The following FAM117B variants were observed in gnomAD, a reference collection of about 807,000 sequenced individuals.
FAM117B encodes protein FAM117B.
A neutral mutation model predicts 52.8 loss-of-function variants in FAM117B; 22 were observed. That is an observed-to-expected ratio of 0.42 (90% CI 0.30 to 0.59). FAM117B has a LOEUF of 0.59. Ranked by LOEUF, FAM117B falls within the 20% of genes least tolerant of loss-of-function variation. FAM117B has a pLI of 0.22. For synonymous variants in FAM117B, 309 were observed against 324.1 expected (o/e 0.95, Z 0.50); for missense variants, 678 against 802.6 (o/e 0.84, Z 1.88).
rs959181905 is a variant in FAM117B, at chr2:202,691,698, T to TGCGC, written c.602-4176_602-4173dup. On this transcript the variant is annotated intron_variant, in intron 1 of 7. Coordinates refer to ENST00000392238, the MANE Select transcript of FAM117B (RefSeq NM_173511.4). Reference sequence around the variant, plus strand: ...GTGTGTGTGTGTGTGTGTGTGTGTGTGCGCGCGCGCCTCCCCACCCTGCCA... The same window carrying TGCGC: ...GTGTGTGTGTGTGTGTGTGTGTGTGTGCGCGCGCGCGCGCCTCCCCACCCTGCCA... 3.9e-3 allele frequency among the ~76,000 whole-genome samples: 511 copies of TGCGC among 131,116 alleles called. 4 individuals are homozygous for TGCGC. Among genetic ancestry groups the TGCGC allele is most frequent in the East Asian group, 9.8e-3 (46 of 4,694 alleles). 86.0% of individuals were successfully genotyped at this position (131,116 alleles called of 152,430 possible). A position where few individuals can be genotyped will look rare whatever the true frequency, so the allele number is the denominator to read the frequency against.
chr2:202,682,463 T>G (rs1252836111), intron 1 of FAM117B, among the ~76,000 whole-genome samples: 1 of 152,128 alleles, frequency 6.6e-6, no homozygotes, highest in African/African-American at 2.4e-5. Flanking sequence ...GCGCTCCCCC[T>G]CCTGCGAGGG....
At position 202,726,379 on chromosome 2, in the gene FAM117B, C is replaced by T. The variant is rs1452553080; in HGVS notation, c.960+16C>T. 3.9e-6 allele frequency: 6 copies of T among 1,539,276 alleles called. No individual in the cohort carries two copies. The highest frequency in any genetic ancestry group is 1.9e-5 in the Admixed American group (1 of 52,968). ...CCAGTGTCAGGTAAGAGTACCAATA[C>T]CACAAAATCCAGAAAAGGAATTTGT... On this transcript the variant is annotated intron_variant, in intron 4 of 7. Transcript: ENST00000392238.
chr2:202,723,428 A>C (rs192233269), intron 2 of FAM117B, among the ~76,000 whole-genome samples: 5 of 152,122 alleles, frequency 3.3e-5, no homozygotes, highest in Admixed American at 1.3e-4. Flanking sequence ...ACTGGTACCA[A>C]TTTTCTTTGT....
intron 2 of FAM117B, among the ~76,000 whole-genome samples, chr2:202,696,734 C>T (rs781727440): frequency 9.2e-5 from 14 of 151,816 alleles, no homozygotes; most frequent in Non-Finnish European, 1.6e-4. Context: ...TTTTATACTT[C>T]TGGGTTTGTA....
At chr2:202,690,394 A>G (rs969375288) in intron 1 of FAM117B, among the ~76,000 whole-genome samples, 1 of 152,212 alleles carries the variant, frequency 6.6e-6, no homozygotes, top group Non-Finnish European at 1.5e-5. Context: ...TTGGCCATTT[A>G]TAACATATTG....
At chr2:202,711,364 T>C (rs1033747409) in intron 2 of FAM117B, among the ~76,000 whole-genome samples, 2 of 152,204 alleles carry the variant, frequency 1.3e-5, no homozygotes, top group Non-Finnish European at 2.9e-5. Flanking sequence ...TTTTGAGAAA[T>C]ATCTATTGAG....
intron 4 of FAM117B, among the ~76,000 whole-genome samples, chr2:202,742,661 G>T (rs979837492): frequency 9.2e-5 from 14 of 152,124 alleles, no homozygotes; most frequent in African/African-American, 3.4e-4. Context: ...ACAAAAGGTT[G>T]ATAAGTTTAA....
At chr2:202,674,280 G>A (rs1297721571) in intron 1 of FAM117B, among the ~76,000 whole-genome samples, 2 of 152,168 alleles carry the variant, frequency 1.3e-5, no homozygotes, top group Non-Finnish European at 2.9e-5. Context: ...TCTCCTGGTT[G>A]CCTAAGCCTG....
intron 1 of FAM117B, among the ~76,000 whole-genome samples, chr2:202,654,233 A>G (rs1257535170): frequency 2.0e-5 from 3 of 151,488 alleles, no homozygotes; most frequent in African/African-American, 7.3e-5. Flanking sequence ...ACTTACTGAG[A>G]TATAAAATAT....
intron 1 of FAM117B, among the ~76,000 whole-genome samples, chr2:202,680,047 C>G (rs1206467914): frequency 6.6e-6 from 1 of 151,958 alleles, no homozygotes; most frequent in African/African-American, 2.4e-5. Flanking sequence ...TGAAATTTAA[C>G]TGAAATGAAA....
intron 6 of FAM117B, among the ~76,000 whole-genome samples, chr2:202,758,096 A>C (rs190718569): frequency 2.0e-5 from 3 of 152,338 alleles, no homozygotes; most frequent in Admixed American, 1.3e-4. Flanking sequence ...GAAAGCAATA[A>C]TAATGACATT....
At chr2:202,659,194 C>T (rs184622467) in intron 1 of FAM117B, among the ~76,000 whole-genome samples, 7 of 151,936 alleles carry the variant, frequency 4.6e-5, no homozygotes, top group East Asian at 1.9e-4. Flanking sequence ...TAAGTAGAGA[C>T]GGGGTTTCAC....
chr2:202,666,325 T>A (rs993698900), intron 1 of FAM117B, among the ~76,000 whole-genome samples: 1 of 152,028 alleles, frequency 6.6e-6, no homozygotes, highest in South Asian at 2.1e-4. Context: ...AAAACTAATT[T>A]AAAAAATGTT....
chr2:202,686,680 G>A (rs890836482), intron 1 of FAM117B, among the ~76,000 whole-genome samples: 3 of 152,038 alleles, frequency 2.0e-5, no homozygotes, highest in African/African-American at 7.2e-5. Flanking sequence ...GGTGGCATAT[G>A]CCTGTAATCC....
chr2:202,695,732 A>G, intron 1 of FAM117B, 149 bp from the exon 2 acceptor site: 3 of 723,750 alleles, frequency 4.1e-6, no homozygotes, highest in Non-Finnish European at 6.5e-6. Context: ...CATTTCAGGC[A>G]TCTTTACTGG....
intron 1 of FAM117B, among the ~76,000 whole-genome samples, chr2:202,678,446 T>C (rs2105769095): frequency 6.6e-6 from 1 of 152,294 alleles, no homozygotes; most frequent in South Asian, 2.1e-4. Context: ...AATATGCAAA[T>C]GCAGGGTGCT....
rs1011185138 is a variant in FAM117B, at chr2:202,726,262, C to T, written c.859C>T (p.Arg287Cys). 1 of 1,611,638 alleles carries T rather than the reference C, an allele frequency of 6.2e-7. No homozygotes were observed. The highest frequency in any genetic ancestry group is 8.5e-7 in the Non-Finnish European group (1 of 1,179,240). The change falls in exon 4 of 8, where the codon CGC becomes TGC. Residue 287 changes from arginine (R) to cysteine (C), a missense_variant. Physicochemically the swap from Arg to Cys is radical, Grantham distance 180. This residue lies in a region of FAM117B where 583 missense variants were observed against 644.8 expected (regional missense o/e 0.90). Transcript: ENST00000392238. ...TDQLKEIAKL[R>C]QQLQRSKHSS... ...TTTGCTTTCTCAGATTGCAAAATTACGCCAGCAGTTGCAGAGAAGTAAACA... is the reference window on the plus strand; with the variant it reads ...TTTGCTTTCTCAGATTGCAAAATTATGCCAGCAGTTGCAGAGAAGTAAACA...
At chr2:202,740,173 C>CAAAAAA (rs1358404767) in intron 4 of FAM117B, among the ~76,000 whole-genome samples, 9,045 of 69,238 alleles carry the variant, frequency 0.13, 3,054 homozygotes, top group Middle Eastern at 0.16. Flanking sequence ...ACTTCATCCC[C>CAAAAAA]CAAAAAAAAA....
At chr2:202,725,222 T>C (rs566813292) in intron 3 of FAM117B, 1 of 353,692 alleles carries the variant, frequency 2.8e-6, no homozygotes, top group Non-Finnish European at 5.2e-6. Flanking sequence ...TATGTTTGTC[T>C]TTTTTTAGGA....
Sources: allele counts gnomAD v4.1 joint callset (sites outside exome capture counted in the v4.1 genomes callset), GRCh38; gene constraint gnomAD v4.1.1; regional missense constraint gnomAD v4.1.1; transcripts MANE v1.5; gene names NCBI Gene and HGNC (gene_info 2026-07-23, HGNC 2026-07-21).